Variants in KHDRBS2 observed in about 807,000 individuals in gnomAD.
KHDRBS2 encodes KH domain-containing, RNA-binding, signal transduction-associated protein 2.
In KHDRBS2, 26 loss-of-function variants were observed where a neutral mutation model predicts 44.3. The ratio of observed to expected loss-of-function variants is 0.59; its 90% CI spans 0.43 to 0.81. KHDRBS2 has a LOEUF of 0.81. Among genes scored for constraint, KHDRBS2 ranks in the 40% least tolerant of loss-of-function variants. The probability of loss-of-function intolerance (pLI) is 0.00; values close to 1 mark genes in which losing one functional copy is unlikely to be tolerated. For synonymous variants in KHDRBS2, 194 were observed against 151.1 expected (o/e 1.28, Z -2.08); for missense variants, 476 against 433.1 (o/e 1.10, Z -0.88).
chr6:62,125,943 T>C (rs866325639), intron 2 of KHDRBS2, among the ~76,000 whole-genome samples: 43 of 152,226 alleles, frequency 2.8e-4, no homozygotes, highest in South Asian at 1.2e-3. Flanking sequence ...AGAGAGGGAT[T>C]CCCGCTTGAG....
chr6:61,971,960 G>A (rs1263113266), intron 4 of KHDRBS2, among the ~76,000 whole-genome samples: 2 of 152,076 alleles, frequency 1.3e-5, no homozygotes, highest in Non-Finnish European at 2.9e-5. Context: ...ATTGTGCCTG[G>A]CATATATTTG....
intron 3 of KHDRBS2, among the ~76,000 whole-genome samples, chr6:62,033,252 G>A (rs994628607): frequency 5.3e-5 from 8 of 151,796 alleles, no homozygotes; most frequent in African/African-American, 1.9e-4. Flanking sequence ...AAATGTTATT[G>A]GTCTTAAGAG....
chr6:61,597,722 T>C, the KHDRBS2 span, among the ~76,000 whole-genome samples: 3 of 67,852 alleles, frequency 4.4e-5, no homozygotes, highest in African/African-American at 1.5e-4. Context: ...CTAATGGAAT[T>C]TTGCACCTTT....
At chr6:61,653,385 T>G in the KHDRBS2 span, among the ~76,000 whole-genome samples, 2 of 152,202 alleles carry the variant, frequency 1.3e-5, no homozygotes, top group East Asian at 3.9e-4. Context: ...TTAGTAAATA[T>G]TCCTAGTTCT....
In KHDRBS2 at chr6:61,969,529, C is replaced by T. The variant is rs556316932; in HGVS notation, c.483+8537G>A. On this transcript the variant is annotated intron_variant, in intron 4 of 8. Coordinates refer to ENST00000281156, the MANE Select transcript of KHDRBS2 (RefSeq NM_152688.4). Reference sequence around the variant, plus strand: ...TGGGTTTAAGGAGAGTACTCATATACCCTTTATTTGTAAAACATTTCTTTT... The same window carrying T: ...TGGGTTTAAGGAGAGTACTCATATATCCTTTATTTGTAAAACATTTCTTTT... Among the ~76,000 whole-genome samples, 5 of 152,082 alleles carry T rather than the reference C, an allele frequency of 3.3e-5. No homozygotes were observed. In the South Asian group the frequency reaches 1.0e-3, roughly 32 times the overall value.
At chr6:61,602,292 C>A in the KHDRBS2 span, among the ~76,000 whole-genome samples, 1 of 152,172 alleles carries the variant, frequency 6.6e-6, no homozygotes, top group Non-Finnish European at 1.5e-5. Context: ...CCAGCCAAAT[C>A]TCCAGGACAC....
chr6:62,215,958 G>A (rs892528174), intron 1 of KHDRBS2, among the ~76,000 whole-genome samples: 1 of 151,574 alleles, frequency 6.6e-6, no homozygotes, highest in Non-Finnish European at 1.5e-5. Context: ...CTATATTTCC[G>A]TGAAGTTGGT....
intron 7 of KHDRBS2, among the ~76,000 whole-genome samples, chr6:61,731,537 T>G (rs954432099): frequency 2.6e-5 from 4 of 152,070 alleles, no homozygotes; most frequent in African/African-American, 9.6e-5. Context: ...CCACGGAAAA[T>G]CCAAACTTCC....
chr6:61,973,165 T>C (rs1771791442), intron 4 of KHDRBS2, among the ~76,000 whole-genome samples: 1 of 152,066 alleles, frequency 6.6e-6, no homozygotes, highest in Non-Finnish European at 1.5e-5. Context: ...ACTGATCAAA[T>C]TTTCACTTTT....
chr6:61,978,973 A>G (rs1773295449), intron 3 of KHDRBS2, among the ~76,000 whole-genome samples: 1 of 152,120 alleles, frequency 6.6e-6, no homozygotes, highest in Non-Finnish European at 1.5e-5. Context: ...CACCAACCTA[A>G]TACATTTCTA....
chr6:61,849,167 C>T (rs2127281882), intron 6 of KHDRBS2, among the ~76,000 whole-genome samples: 1 of 152,138 alleles, frequency 6.6e-6, no homozygotes, highest in African/African-American at 2.4e-5. Context: ...TAGAAATTAA[C>T]CAGTTTGTAT....
chr6:61,789,819 G>C (rs1024703724), intron 6 of KHDRBS2, among the ~76,000 whole-genome samples: 1 of 151,434 alleles, frequency 6.6e-6, no homozygotes, highest in Non-Finnish European at 1.5e-5. Context: ...GTGAAAAGCT[G>C]TTGAAGTACA....
chr6:62,042,097 T>C (rs1299538909), intron 3 of KHDRBS2, among the ~76,000 whole-genome samples: 1 of 152,114 alleles, frequency 6.6e-6, no homozygotes, highest in African/African-American at 2.4e-5. Flanking sequence ...ATAAGTTTCA[T>C]TGTATTCCCA....
At chr6:61,930,242 T>C (rs1359649581) in intron 4 of KHDRBS2, among the ~76,000 whole-genome samples, 1 of 152,052 alleles carries the variant, frequency 6.6e-6, no homozygotes, top group Non-Finnish European at 1.5e-5. Context: ...TCCAGGACAA[T>C]GAGAAATAAA....
At chr6:61,592,214 G>T in the KHDRBS2 span, among the ~76,000 whole-genome samples, 1 of 143,014 alleles carries the variant, frequency 7.0e-6, no homozygotes, top group Non-Finnish European at 1.5e-5. Flanking sequence ...AAAAAAAAGA[G>T]GAAAGAGAAG....
chr6:61,695,532 C>T (rs1179641552), intron 8 of KHDRBS2, among the ~76,000 whole-genome samples: 1 of 152,054 alleles, frequency 6.6e-6, no homozygotes, highest in African/African-American at 2.4e-5. Context: ...ATAATAGGTA[C>T]TCCATGTGTG....
At chr6:61,978,603 T>C (rs1562570953) in intron 3 of KHDRBS2, among the ~76,000 whole-genome samples, 2 of 152,120 alleles carry the variant, frequency 1.3e-5, no homozygotes, top group South Asian at 4.1e-4. Flanking sequence ...AGATTATCAC[T>C]GTGTTCTTTA....
chr6:62,058,825 A>T (rs1790921484), intron 2 of KHDRBS2, among the ~76,000 whole-genome samples: 1 of 151,890 alleles, frequency 6.6e-6, no homozygotes, highest in Non-Finnish European at 1.5e-5. Context: ...ATTGAAGAAA[A>T]CAGAGAAGAA....
chr6:61,826,559 G>T (rs1390960757), intron 6 of KHDRBS2, among the ~76,000 whole-genome samples: 2 of 151,960 alleles, frequency 1.3e-5, no homozygotes, highest in Non-Finnish European at 2.9e-5. Context: ...TAGTTGAAAT[G>T]GACCCTTTGT....
Sources: allele counts gnomAD v4.1 joint callset (sites outside exome capture counted in the v4.1 genomes callset), GRCh38; gene constraint gnomAD v4.1.1; transcripts MANE v1.5; gene names NCBI Gene and HGNC (gene_info 2026-07-23, HGNC 2026-07-21).